The following ZNF540 variants were observed in gnomAD, a reference collection of about 807,000 sequenced individuals.
ZNF540 encodes the protein zinc finger protein 540.
A neutral mutation model predicts 11.8 loss-of-function variants in ZNF540; 3 were observed. That is an observed-to-expected ratio of 0.25 (90% CI 0.12 to 0.65). ZNF540 has a LOEUF of 0.65. Ranked by LOEUF, ZNF540 falls within the 30% of genes least tolerant of loss-of-function variation. The probability of loss-of-function intolerance (pLI) is 0.83; values close to 1 mark genes in which losing one functional copy is unlikely to be tolerated. For missense variants in ZNF540, 709 were observed against 793.1 expected (o/e 0.89, Z 1.27); for synonymous variants, 247 against 259.0 (o/e 0.95, Z 0.45).
intron 1 of ZNF540, chr19:37,565,124 C>G: frequency 6.2e-7 from 1 of 1,612,244 alleles, no homozygotes; most frequent in Non-Finnish European, 8.5e-7. Context: ...CTGATGTTCA[C>G]TAAGTTGTTT....
chr19:37,604,120 G>A (rs550579343), intron 4 of ZNF540, among the ~76,000 whole-genome samples: 134 of 151,874 alleles, frequency 8.8e-4, no homozygotes, highest in African/African-American at 2.9e-3. Flanking sequence ...TTTGATAGAC[G>A]TCTATGAAAT....
chr19:37,606,829 T>G (rs1388436049), intron 4 of ZNF540, among the ~76,000 whole-genome samples: 1 of 152,214 alleles, frequency 6.6e-6, no homozygotes, highest in Non-Finnish European at 1.5e-5. Context: ...TTCTCCCAGA[T>G]TGCGGTACAT....
intron 1 of ZNF540, among the ~76,000 whole-genome samples, chr19:37,578,821 C>A (rs1193375564): frequency 1.3e-5 from 2 of 152,198 alleles, no homozygotes; most frequent in African/African-American, 4.8e-5. Context: ...GCAGCAACCG[C>A]ACCTCCGCCT....
chr19:37,577,987 C>G (rs920909697), intron 1 of ZNF540, among the ~76,000 whole-genome samples: 5 of 152,298 alleles, frequency 3.3e-5, no homozygotes, highest in Middle Eastern at 3.4e-3. Context: ...AGCTCCGCCT[C>G]CGGTCAGATC....
At chr19:37,598,712 C>A (rs1481061660) in intron 2 of ZNF540, among the ~76,000 whole-genome samples, 1 of 152,100 alleles carries the variant, frequency 6.6e-6, no homozygotes, top group African/African-American at 2.4e-5. Context: ...CTTTACCATC[C>A]TTTGTCAGAT....
intron 3 of ZNF540, among the ~76,000 whole-genome samples, chr19:37,600,021 G>A (rs1298680734): frequency 6.6e-6 from 1 of 152,114 alleles, no homozygotes; most frequent in African/African-American, 2.4e-5. Flanking sequence ...GAATTTTGGG[G>A]CATTTACTCC....
rs567855310 is a variant in ZNF540, at chr19:37,582,292, C to A, written c.-72-16084C>A. Among the ~76,000 whole-genome samples, 4 of 152,304 alleles carry A rather than the reference C, an allele frequency of 2.6e-5. No individual in the cohort carries two copies. In the East Asian group the frequency reaches 7.7e-4, roughly 29 times the overall value. On this transcript the variant is annotated intron_variant, in intron 1 of 4. Transcript: ENST00000592533. ...CCCTTCATCCTGCCAAATCCAATAGCCAATTTTCAGCGTTCCTCTTACTTG... is the reference window on the plus strand; with the variant it reads ...CCCTTCATCCTGCCAAATCCAATAGACAATTTTCAGCGTTCCTCTTACTTG...
rs117139801 is a variant in ZNF540, at chr19:37,587,219, C to G, written c.-72-11157C>G. On this transcript the variant is annotated intron_variant, in intron 1 of 4. Coordinates refer to the ZNF540 transcript ENST00000592533. ...TTCTTTCTTGCCTGTTTACTCTTCC[C>G]TATAAAAGAAAATTCCTTTATGCCT... The G allele has an allele frequency of 6.7e-3, 1,028 of 152,710 alleles. 32 individuals are homozygous for G. Among genetic ancestry groups the G allele is most frequent in the East Asian group, 0.051 (264 of 5,190 alleles). The allele number at this position is 152,710 out of a possible 1,614,324, so 9.5% of individuals were successfully genotyped here. A position where few individuals can be genotyped will look rare whatever the true frequency, so the allele number is the denominator to read the frequency against.
At chr19:37,592,507 AC>A (rs1345685059), upstream of ZNF540, among the ~76,000 whole-genome samples, 1 of 152,136 alleles carries the variant, frequency 6.6e-6, no homozygotes, top group African/African-American at 2.4e-5. Context: ...CTTCTCAAAA[AC>A]CAAGTTTCAC....
chr19:37,566,473 A>G, intron 1 of ZNF540: 1 of 657,534 alleles, frequency 1.5e-6, no homozygotes, highest in Non-Finnish European at 2.4e-6. Flanking sequence ...AGGAGAGCTT[A>G]TAGGAAAGAA....
chr19:37,588,395 A>T (rs973224104), intron 1 of ZNF540, among the ~76,000 whole-genome samples: 8 of 152,342 alleles, frequency 5.3e-5, no homozygotes, highest in African/African-American at 1.9e-4. Flanking sequence ...GAACAAAATC[A>T]TATCCTCTGC....
chr19:37,594,321 T>C (rs2043952908), upstream of ZNF540: 1 of 152,352 alleles, frequency 6.6e-6, no homozygotes, highest in Non-Finnish European at 1.5e-5. Flanking sequence ...GGCCAAGCGC[T>C]AGGAGCATTA....
At chr19:37,603,440 A>G (rs1600559711) in intron 4 of ZNF540, among the ~76,000 whole-genome samples, 1 of 152,200 alleles carries the variant, frequency 6.6e-6, no homozygotes, top group Non-Finnish European at 1.5e-5. Context: ...TTAGAGAACT[A>G]TAGATACGAC....
At chr19:37,592,323 CCTT>C (rs1175900793), upstream of ZNF540, among the ~76,000 whole-genome samples, 3 of 152,184 alleles carry the variant, frequency 2.0e-5, no homozygotes, top group African/African-American at 7.2e-5. Context: ...GCTTCTCAAT[CCTT>C]CTAAAATTTT....
chr19:37,582,026 C>G (rs4803277), intron 1 of ZNF540, among the ~76,000 whole-genome samples: 147,460 of 152,280 alleles, frequency 0.97, 71,433 homozygotes, highest in African/African-American at 0.99. Flanking sequence ...TATATAAACT[C>G]TAATCACACT....
intron 1 of ZNF540, among the ~76,000 whole-genome samples, chr19:37,581,757 C>G (rs2043473068): frequency 6.6e-6 from 1 of 151,664 alleles, no homozygotes; most frequent in African/African-American, 2.4e-5. Flanking sequence ...GCCATTGTGC[C>G]CAGCCTACCA....
In ZNF540 at chr19:37,566,536, AGAGACACCC is replaced by A. The variant is rs946067285; in HGVS notation, c.-73+14872_-73+14880del. ...TGGTTCTCAAACTTTGGAATGGCTT[AGAGACACCC>A]AGGAGGCTTATAAAATAGTAATAAA... On this transcript the variant is annotated intron_variant, in intron 1 of 4. Coordinates refer to the ZNF540 transcript ENST00000592533. 5.2e-5 allele frequency: 21 copies of A among 403,302 alleles called. No individual in the cohort carries two copies. The Admixed American group carries it at 8.7e-4, about 17-fold the overall frequency. 25.0% of individuals were successfully genotyped at this position (403,302 alleles called of 1,614,324 possible).
At chr19:37,573,832 C>CA (rs753161725) in intron 1 of ZNF540, among the ~76,000 whole-genome samples, 3,573 of 117,698 alleles carry the variant, frequency 0.03, 151 homozygotes, top group African/African-American at 0.1. Flanking sequence ...GATCCTGTTT[C>CA]AAAAAAAAAA....
At chr19:37,609,051 C>T (rs920554367) in intron 4 of ZNF540, among the ~76,000 whole-genome samples, 1 of 152,202 alleles carries the variant, frequency 6.6e-6, no homozygotes, top group Non-Finnish European at 1.5e-5. Context: ...TCCCAGCCAT[C>T]TCTTCATACT....
Sources: allele counts gnomAD v4.1 joint callset (sites outside exome capture counted in the v4.1 genomes callset), GRCh38; gene constraint gnomAD v4.1.1; transcripts MANE v1.5; gene names NCBI Gene and HGNC (gene_info 2026-07-23, HGNC 2026-07-21).